Variants in GBE1 observed in about 807,000 individuals in gnomAD.
GBE1 encodes the protein 1,4-alpha-glucan branching enzyme 1.
A neutral mutation model predicts 88.8 loss-of-function variants in GBE1; 70 were observed. The observed-to-expected ratio is 0.79, with a 90% CI of 0.65 to 0.96. The LOEUF (loss-of-function observed/expected upper bound fraction) is 0.96. Ranked by LOEUF, GBE1 falls within the 40% of genes least tolerant of loss-of-function variation. GBE1 has a pLI of 0.00. For synonymous variants in GBE1, 284 were observed against 300.1 expected, an observed-to-expected ratio of 0.95 and a Z score of 0.56; for missense variants, 872 against 871.0, an observed-to-expected ratio of 1.00 and a Z score of -0.01.
At chr3:81,701,204 A>G (rs1156731358) in intron 2 of GBE1, among the ~76,000 whole-genome samples, 1 of 152,164 alleles carries the variant, frequency 6.6e-6, no homozygotes, top group Non-Finnish European at 1.5e-5. Flanking sequence ...TAAGAGTCCA[A>G]TCCTGATGAA....
chr3:81,732,833 A>T (rs1227247868), intron 1 of GBE1, among the ~76,000 whole-genome samples: 1 of 152,130 alleles, frequency 6.6e-6, no homozygotes, highest in Non-Finnish European at 1.5e-5. Context: ...TGTCACTCAC[A>T]GTAAAAGCTA....
At chr3:81,612,475 T>C in intron 7 of GBE1, 1 of 1,023,584 alleles carries the variant, frequency 9.8e-7, no homozygotes, top group Non-Finnish European at 1.5e-6. Context: ...TATCTTCAAA[T>C]TCTGTCACTT....
At chr3:81,494,366 C>T in intron 15 of GBE1, among the ~76,000 whole-genome samples, 1 of 151,976 alleles carries the variant, frequency 6.6e-6, no homozygotes, top group East Asian at 1.9e-4. Context: ...AAAATTTAGC[C>T]TAAGTATTGG....
chr3:81,690,385 G>A (rs1705504225), intron 2 of GBE1, among the ~76,000 whole-genome samples: 1 of 152,118 alleles, frequency 6.6e-6, no homozygotes, highest in Admixed American at 6.5e-5. Context: ...AAGACAGGAA[G>A]CACTAGATAC....
At chr3:81,496,455 A>C (rs1702500310) in intron 15 of GBE1, among the ~76,000 whole-genome samples, 1 of 152,218 alleles carries the variant, frequency 6.6e-6, no homozygotes, top group African/African-American at 2.4e-5. Flanking sequence ...CTTGCAAATT[A>C]AGCTTTAGCA....
chr3:81,617,794 T>C (rs908563025), intron 7 of GBE1, among the ~76,000 whole-genome samples: 1 of 151,990 alleles, frequency 6.6e-6, no homozygotes, highest in African/African-American at 2.4e-5. Flanking sequence ...TAGATTAGTG[T>C]GAATTCTTCT....
intron 14 of GBE1, chr3:81,509,470 T>C (rs1276923218): frequency 2.6e-5 from 4 of 151,970 alleles, no homozygotes; most frequent in Admixed American, 1.3e-4. Flanking sequence ...ATTTAATTAT[T>C]ACATTTTTGC....
chr3:81,613,255 G>A (rs1704206068), intron 7 of GBE1, among the ~76,000 whole-genome samples: 1 of 151,138 alleles, frequency 6.6e-6, no homozygotes, highest in South Asian at 2.1e-4. Flanking sequence ...GAGCAGAATA[G>A]AACAGGAAAA....
chr3:81,685,829 T>A (rs1267716006), intron 2 of GBE1, among the ~76,000 whole-genome samples: 1 of 152,180 alleles, frequency 6.6e-6, no homozygotes, highest in Non-Finnish European at 1.5e-5. Flanking sequence ...GAAGAAAACC[T>A]CTCTTTTTGA....
At chr3:81,528,594 T>G (rs994607218) in intron 14 of GBE1, among the ~76,000 whole-genome samples, 2 of 152,038 alleles carry the variant, frequency 1.3e-5, no homozygotes, top group African/African-American at 4.8e-5. Flanking sequence ...TCTCCAGCTG[T>G]TATTGGATTG....
intron 2 of GBE1, among the ~76,000 whole-genome samples, chr3:81,689,622 C>T (rs764627589): frequency 2.0e-5 from 3 of 152,092 alleles, no homozygotes; most frequent in African/African-American, 4.8e-5. Context: ...CAAGGCCCTG[C>T]GTTATCATCT....
chr3:81,642,998 T>G lies in GBE1; in HGVS notation c.783-8A>C, dbSNP rs1019962210. 1 of 1,583,820 alleles carries G rather than the reference T, an allele frequency of 6.3e-7. No individual in the cohort carries two copies. The highest frequency in any genetic ancestry group is 8.6e-7 in the Non-Finnish European group (1 of 1,158,082). On this transcript the variant is annotated splice_region_variant and splice_polypyrimidine_tract_variant and intron_variant, in intron 6 of 15. Coordinates refer to ENST00000429644, the MANE Select transcript of GBE1 (RefSeq NM_000158.4). ...TCAGGTGTTCCATAACGGCTAACAA[T>G]GAAGAACACAGCAAAAAGAAGATTA...
chr3:81,600,659 C>G (rs1292013494), intron 7 of GBE1, among the ~76,000 whole-genome samples: 1 of 152,168 alleles, frequency 6.6e-6, no homozygotes, highest in African/African-American at 2.4e-5. Context: ...TTTTCCTTCA[C>G]TATCACCTCA....
intron 12 of GBE1, among the ~76,000 whole-genome samples, chr3:81,540,136 C>G (rs1293291394): frequency 6.6e-6 from 1 of 151,882 alleles, no homozygotes; most frequent in African/African-American, 2.4e-5. Flanking sequence ...TTAAATGCTA[C>G]CGAAAAATAA....
chr3:81,747,128 A>G (rs1319970292), intron 1 of GBE1, among the ~76,000 whole-genome samples: 1 of 152,210 alleles, frequency 6.6e-6, no homozygotes, highest in Non-Finnish European at 1.5e-5. Context: ...GTAAAACAAC[A>G]AAACTTTTAG....
intron 15 of GBE1, among the ~76,000 whole-genome samples, chr3:81,491,860 C>T (rs903368338): frequency 1.3e-5 from 2 of 152,130 alleles, no homozygotes; most frequent in African/African-American, 2.4e-5. Flanking sequence ...CTCAACTCTA[C>T]AAATGTTTTC....
At chr3:81,632,952 A>G (rs923213578) in intron 7 of GBE1, among the ~76,000 whole-genome samples, 4 of 151,968 alleles carry the variant, frequency 2.6e-5, no homozygotes, top group African/African-American at 7.3e-5. Context: ...TCTTTCTTCC[A>G]TTGTTTTTTG....
intron 2 of GBE1, among the ~76,000 whole-genome samples, chr3:81,698,323 C>T (rs1004625428): frequency 6.6e-6 from 1 of 152,010 alleles, no homozygotes; most frequent in South Asian, 2.1e-4. Context: ...AATATACATT[C>T]GCCCATCTTG....
At position 81,603,500 on chromosome 3, in the gene GBE1, A is replaced by G. The variant is rs527543294; in HGVS notation, c.993-9477T>C. On this transcript the variant is annotated intron_variant, in intron 7 of 15. Transcript: ENST00000429644. ...ATCTTATATATTTTTATAAATTTAA[A>G]TTTATTTTATTTTATTTTGAGACAG... Among the ~76,000 whole-genome samples, 8 of 152,008 alleles carry G rather than the reference A, an allele frequency of 5.3e-5. No individual in the cohort carries two copies. In the South Asian group the frequency reaches 1.7e-3, roughly 32 times the overall value.
Sources: allele counts gnomAD v4.1 joint callset (sites outside exome capture counted in the v4.1 genomes callset), GRCh38; gene constraint gnomAD v4.1.1; transcripts MANE v1.5; gene names NCBI Gene and HGNC (gene_info 2026-07-23, HGNC 2026-07-21).